ITSN1: variants seen among roughly 807,000 people sequenced by gnomAD.
ITSN1 encodes the protein intersectin-1.
A neutral mutation model predicts 239.8 loss-of-function variants in ITSN1; 58 were observed. The observed-to-expected ratio is 0.24, with a 90% confidence interval of 0.20 to 0.30. The LOEUF (loss-of-function observed/expected upper bound fraction) is 0.30, where lower values mean the gene tolerates loss of function less well. Ranked by LOEUF, ITSN1 falls within the 10% of genes least tolerant of loss-of-function variation. The pLI, the probability that ITSN1 is intolerant of heterozygous loss-of-function variation, is 1.00. For synonymous variants in ITSN1, 780 were observed against 770.8 expected (o/e 1.01, Z -0.20); for missense variants, 1,558 against 2,103.3 (o/e 0.74, Z 5.07).
At chr21:33,701,410 C>T (rs192799044) in intron 1 of ITSN1, among the ~76,000 whole-genome samples, 1 of 152,210 alleles carries the variant, frequency 6.6e-6, no homozygotes, top group East Asian at 1.9e-4. Flanking sequence ...CAGGTGTGAG[C>T]CACTGTGCCT....
intron 1 of ITSN1, among the ~76,000 whole-genome samples, chr21:33,677,542 G>A (rs1045709812): frequency 3.9e-5 from 6 of 152,012 alleles, no homozygotes; most frequent in Non-Finnish European, 8.8e-5. Flanking sequence ...GTTTCGCCCT[G>A]TTGGCCAGGC....
intron 1 of ITSN1, among the ~76,000 whole-genome samples, chr21:33,701,980 A>G (rs930254774): frequency 6.6e-6 from 1 of 152,066 alleles, no homozygotes; most frequent in Non-Finnish European, 1.5e-5. Flanking sequence ...AGGCAGGAGA[A>G]GTGCTTGAAC....
At chr21:33,646,370 CTT>C (rs1323204480) in intron 1 of ITSN1, among the ~76,000 whole-genome samples, 1 of 152,156 alleles carries the variant, frequency 6.6e-6, no homozygotes, top group African/African-American at 2.4e-5. Context: ...GGTATATTGT[CTT>C]ATATCAAAAT....
chr21:33,822,504 C>T (rs147088354), intron 24 of ITSN1, among the ~76,000 whole-genome samples: 17 of 152,284 alleles, frequency 1.1e-4, no homozygotes, highest in African/African-American at 4.1e-4. Flanking sequence ...GTGCATCTTT[C>T]TGTAAATCTT....
chr21:33,772,445 C>A, intron 12 of ITSN1, 122 bp downstream of exon 12: 1 of 1,202,648 alleles, frequency 8.3e-7, no homozygotes, highest in Non-Finnish European at 1.2e-6. Context: ...AGTATATTCC[C>A]AAAGTTGTGC....
intron 1 of ITSN1, among the ~76,000 whole-genome samples, chr21:33,702,249 T>G (rs2092056641): frequency 6.6e-6 from 1 of 151,378 alleles, no homozygotes; most frequent in Non-Finnish European, 1.5e-5. Flanking sequence ...CCTAAGTAGC[T>G]GGGATTACAG....
At chr21:33,867,393 G>C (rs1602648857) in intron 33 of ITSN1, 62 bp downstream of exon 33, 4 of 914,448 alleles carry the variant, frequency 4.4e-6, no homozygotes, top group Non-Finnish European at 5.5e-6. Context: ...AGAGGGCTGG[G>C]GTCATGGACA....
At chr21:33,810,578 C>T (rs996171933) in intron 20 of ITSN1, among the ~76,000 whole-genome samples, 2 of 151,956 alleles carry the variant, frequency 1.3e-5, no homozygotes, top group Non-Finnish European at 1.5e-5. Context: ...ATTGATTGCA[C>T]CCTTTGCTTT....
At chr21:33,814,174 A>G (rs1413692243) in intron 22 of ITSN1, 102 bp downstream of exon 22, 3 of 1,057,356 alleles carry the variant, frequency 2.8e-6, no homozygotes, top group South Asian at 1.5e-5. Flanking sequence ...AAGCCTTGTT[A>G]TGTGTGTCTT....
intron 29 of ITSN1, among the ~76,000 whole-genome samples, chr21:33,851,933 A>C (rs957908688): frequency 1.3e-5 from 2 of 150,868 alleles, no homozygotes; most frequent in Admixed American, 1.3e-4. Flanking sequence ...ACAGGCATGT[A>C]CCACCATGCA....
At chr21:33,779,981 G>A (rs748956420) in intron 14 of ITSN1, among the ~76,000 whole-genome samples, 5 of 152,210 alleles carry the variant, frequency 3.3e-5, no homozygotes, top group East Asian at 1.9e-4. Flanking sequence ...ACAGGCAAGC[G>A]CCACCACGCC....
At position 33,819,316 on chromosome 21, in the gene ITSN1, G is replaced by A. The variant is rs367826084; in HGVS notation, c.3009G>A (p.Ser1003=). Residue 1003 remains serine, a synonymous_variant, in exon 24 of 40, where the codon TCG becomes TCA. Coordinates refer to ENST00000381318, the MANE Select transcript of ITSN1 (RefSeq NM_003024.3). ...VASPAAKPVV[S]GEEFIAMYTY... is the part of the protein sequence containing the mutation. ...CTCCAGCAGCCAAGCCGGTCGTTTC[G>A]GGAGAAGGTGAGGGCCTGAGTTGTA... 4.9e-5 allele frequency: 79 copies of A among 1,613,434 alleles called. No homozygotes were observed. Among genetic ancestry groups the A allele is most frequent in the African/African-American group, 8.0e-5 (6 of 74,912 alleles).
At chr21:33,734,797 C>T (rs1277378898) in intron 4 of ITSN1, among the ~76,000 whole-genome samples, 1 of 152,146 alleles carries the variant, frequency 6.6e-6, no homozygotes, top group African/African-American at 2.4e-5. Flanking sequence ...GTCTAAAGTA[C>T]AAATCCTCAC....
At chr21:33,830,641 G>A (rs528968925) in intron 27 of ITSN1, among the ~76,000 whole-genome samples, 49 of 152,276 alleles carry the variant, frequency 3.2e-4, no homozygotes, top group African/African-American at 1.1e-3. Context: ...ACTCAGTGCA[G>A]TATCTAGACC....
chr21:33,870,866 C>T (rs1051117616), intron 33 of ITSN1, among the ~76,000 whole-genome samples: 1 of 152,174 alleles, frequency 6.6e-6, no homozygotes, highest in African/African-American at 2.4e-5. Context: ...GCTGGAAGAA[C>T]ACTTGAGAGA....
chr21:33,654,207 C>T (rs2088828467), intron 1 of ITSN1, among the ~76,000 whole-genome samples: 1 of 151,550 alleles, frequency 6.6e-6, no homozygotes, highest in African/African-American at 2.4e-5. Context: ...CACGCACCAC[C>T]ACACCTGGCT....
rs1452724909 is a variant in ITSN1, at chr21:33,898,000, G to A, written c.*9700G>A. On this transcript the variant is annotated 3_prime_UTR_variant, in exon 40 of 40. Transcript: ENST00000381318. ...TATCCTGTAGCTATGACCTCGCATG[G>A]GACCTTGGTGTTGCATTAAAAATGG... 6.6e-6 allele frequency: 1 copy of A among 152,162 alleles called. No homozygotes were observed. The highest frequency in any genetic ancestry group is 1.9e-4 in the East Asian group (1 of 5,202). The allele number at this position is 152,162 out of a possible 1,614,324, so 9.4% of individuals were successfully genotyped here. A position where few individuals can be genotyped will look rare whatever the true frequency, so the allele number is the denominator to read the frequency against.
chr21:33,821,138 A>T (rs1348383239), intron 24 of ITSN1, among the ~76,000 whole-genome samples: 15 of 152,312 alleles, frequency 9.8e-5, no homozygotes, highest in Admixed American at 9.8e-4. Flanking sequence ...ATAAAGTATG[A>T]GCATCCTCAT....
At chr21:33,795,907 A>G (rs888025533) in intron 17 of ITSN1, among the ~76,000 whole-genome samples, 4 of 151,584 alleles carry the variant, frequency 2.6e-5, no homozygotes, top group Admixed American at 6.6e-5. Flanking sequence ...ATGGTTATAC[A>G]GTATATATGG....
Sources: allele counts gnomAD v4.1 joint callset (sites outside exome capture counted in the v4.1 genomes callset), GRCh38; gene constraint gnomAD v4.1.1; transcripts MANE v1.5; gene names NCBI Gene and HGNC (gene_info 2026-07-23, HGNC 2026-07-21).